PCLO: variants seen among roughly 807,000 people sequenced by gnomAD.
PCLO encodes protein piccolo.
Under a neutral mutation model 427.5 loss-of-function variants are expected in PCLO, and 82 were observed. The ratio of observed to expected loss-of-function variants is 0.19; its 90% CI spans 0.16 to 0.23. The LOEUF (loss-of-function observed/expected upper bound fraction) is 0.23. PCLO is among the 10% of genes least tolerant of loss of function. PCLO has a pLI of 1.00. For synonymous variants in PCLO, 2,357 were observed against 2,155.4 expected (o/e 1.09, Z -2.59); for missense variants, 6,239 against 6,115.9 (o/e 1.02, Z -0.67).
chr7:82,827,347 C>A (rs2715151), intron 17 of PCLO, among the ~76,000 whole-genome samples: 1 of 151,722 alleles, frequency 6.6e-6, no homozygotes, highest in Admixed American at 6.6e-5. Context: ...TTACTTATCT[C>A]TGGTGATAAT....
intron 16 of PCLO, 85 bp downstream of exon 16, chr7:82,835,582 G>A: frequency 1.1e-6 from 1 of 939,048 alleles, no homozygotes; most frequent in Non-Finnish European, 1.7e-6. Flanking sequence ...CCATGTTGAA[G>A]TGCCAGTGAA....
chr7:82,849,241 A>T (rs549532637), intron 10 of PCLO, among the ~76,000 whole-genome samples: 2 of 152,262 alleles, frequency 1.3e-5, no homozygotes, highest in African/African-American at 4.8e-5. Context: ...CTGTAAAATT[A>T]AAAAAATGCT....
intron 3 of PCLO, among the ~76,000 whole-genome samples, chr7:83,051,500 T>C (rs1789254268): frequency 6.6e-6 from 1 of 152,146 alleles, no homozygotes; most frequent in Middle Eastern, 3.2e-3. Flanking sequence ...ATCTAACAAT[T>C]ATGTAAACAA....
chr7:82,923,306 G>A (rs1794640048), intron 6 of PCLO, among the ~76,000 whole-genome samples: 1 of 151,974 alleles, frequency 6.6e-6, no homozygotes, highest in African/African-American at 2.4e-5. Context: ...TTGGGCTAGT[G>A]ATGCCTTAAT....
intron 7 of PCLO, 74 bp downstream of exon 7, chr7:82,914,612 A>T (rs1794398586): frequency 7.1e-7 from 1 of 1,410,564 alleles, no homozygotes; most frequent in African/African-American, 1.4e-5. Context: ...ATCTCTGGAG[A>T]AGGGAAATTA....
chr7:82,993,813 G>T (rs1348027580), intron 3 of PCLO, among the ~76,000 whole-genome samples: 1 of 152,034 alleles, frequency 6.6e-6, no homozygotes, highest in Non-Finnish European at 1.5e-5. Context: ...ATAAATGAAT[G>T]ATATGTATTC....
chr7:82,804,523 C>T (rs1337272708), intron 21 of PCLO, among the ~76,000 whole-genome samples: 2 of 152,084 alleles, frequency 1.3e-5, no homozygotes, highest in Non-Finnish European at 2.9e-5. Flanking sequence ...AGACAATCCA[C>T]CCCCTGAAAA....
At chr7:82,871,223 T>C (rs1438106037) in intron 10 of PCLO, among the ~76,000 whole-genome samples, 3 of 151,894 alleles carry the variant, frequency 2.0e-5, no homozygotes, top group Admixed American at 6.6e-5. Flanking sequence ...CATTAAGAGA[T>C]GAATGAGTAA....
chr7:83,085,845 C>A (rs1790218033), intron 3 of PCLO, among the ~76,000 whole-genome samples: 1 of 151,886 alleles, frequency 6.6e-6, no homozygotes, highest in South Asian at 2.1e-4. Context: ...ATAAAATTTT[C>A]ATTTGTGGTA....
chr7:83,050,062 G>A lies in PCLO; in HGVS notation c.3301-83575C>T, dbSNP rs1455150301. 1.0e-4 allele frequency among the ~76,000 whole-genome samples: 15 copies of A among 150,692 alleles called. No homozygotes were observed. In the South Asian group the frequency reaches 2.6e-3, roughly 26 times the overall value. On this transcript the variant is annotated intron_variant, in intron 3 of 24. Coordinates refer to ENST00000333891, the MANE Select transcript of PCLO (RefSeq NM_033026.6). ...GTACTAGCTCCAGTCCTCTGTTCTC[G>A]GTGTACCAAAGGGGATTCCAATCAT...
intron 10 of PCLO, among the ~76,000 whole-genome samples, chr7:82,872,566 G>C (rs1033011243): frequency 2.1e-4 from 32 of 152,138 alleles, no homozygotes; most frequent in African/African-American, 7.7e-4. Context: ...AGAAGCCACA[G>C]AACATTCTTC....
At position 82,999,608 on chromosome 7, in the gene PCLO, TA is replaced by T. The variant is rs1479955116; in HGVS notation, c.3301-33122del. 4.0e-3 allele frequency among the ~76,000 whole-genome samples: 81 copies of T among 20,372 alleles called. 2 individuals carry two copies. In the Admixed American group the frequency reaches 0.042, roughly 11 times the overall value. 13.4% of individuals were successfully genotyped at this position (20,372 alleles called of 152,430 possible). On this transcript the variant is annotated intron_variant, in intron 3 of 24. Transcript: ENST00000333891. ...TTAAAATATAAAATATAATATTATA[TA>T]TAAAATATAAAATATAATATTATAT...
chr7:83,136,542 A>G (rs1791735274), intron 2 of PCLO, among the ~76,000 whole-genome samples: 1 of 152,176 alleles, frequency 6.6e-6, no homozygotes. Flanking sequence ...ATATTTTAAA[A>G]TACAAATTGT....
chr7:82,979,627 G>T (rs922513933), intron 3 of PCLO, among the ~76,000 whole-genome samples: 1 of 152,100 alleles, frequency 6.6e-6, no homozygotes, highest in Non-Finnish European at 1.5e-5. Context: ...CAGCAAACAG[G>T]TAGATACAGC....
chr7:82,797,516 C>G (rs1028628024), intron 22 of PCLO, among the ~76,000 whole-genome samples: 1 of 152,084 alleles, frequency 6.6e-6, no homozygotes, highest in Non-Finnish European at 1.5e-5. Flanking sequence ...GTGTATAGCT[C>G]TCATTGTCAA....
At position 83,097,052 on chromosome 7, in the gene PCLO, ATATAT is replaced by A. The variant is rs1244122841; in HGVS notation, c.3300+37193_3300+37197del. Reference sequence around the variant, plus strand: ...TAAATATATATTATATATTATATAAATATATTATACATTATACATTATATAAATAT... The same window carrying A: ...TAAATATATATTATATATTATATAAATATACATTATACATTATATAAATAT... On this transcript the variant is annotated intron_variant, in intron 3 of 24. Coordinates refer to ENST00000333891, the MANE Select transcript of PCLO (RefSeq NM_033026.6). Among the ~76,000 whole-genome samples the A allele has an allele frequency of 1.8e-3, 134 of 73,294 alleles. 35 individuals carry two copies. The highest frequency in any genetic ancestry group is 7.3e-3 in the African/African-American group (125 of 17,108). 48.1% of individuals were successfully genotyped at this position (73,294 alleles called of 152,430 possible).
At position 82,954,013 on chromosome 7, in the gene PCLO, G is replaced by T. The variant is rs750153086; in HGVS notation, c.6940C>A (p.Leu2314Met). 6.2e-7 allele frequency: 1 copy of T among 1,613,920 alleles called. No homozygotes were observed. Among genetic ancestry groups the T allele is most frequent in the Non-Finnish European group, 8.5e-7 (1 of 1,179,862 alleles). The change falls in exon 5 of 25, where the codon CTG becomes ATG. Residue 2314 changes from leucine to methionine, a missense_variant. Physicochemically the swap from Leu to Met is conservative, Grantham distance 15. Coordinates refer to ENST00000333891, the MANE Select transcript of PCLO (RefSeq NM_033026.6). ...AKKETGNGII[L>M]EVLEAYRDKK... ...TCTCTGTAAGCTTCCAAAACTTCCA[G>T]AATGATTCCATTCCCAGTTTCCTTC...
At chr7:83,086,572 C>A (rs12707548) in intron 3 of PCLO, among the ~76,000 whole-genome samples, 1 of 151,766 alleles carries the variant, frequency 6.6e-6, no homozygotes, top group Non-Finnish European at 1.5e-5. Context: ...ATTTTTCTTA[C>A]GATGATTTAG....
At chr7:83,100,143 A>C (rs1209225549) in intron 3 of PCLO, among the ~76,000 whole-genome samples, 1 of 151,990 alleles carries the variant, frequency 6.6e-6, no homozygotes, top group Non-Finnish European at 1.5e-5. Flanking sequence ...TATAATTGGC[A>C]AAAAAAATTG....
Sources: allele counts gnomAD v4.1 joint callset (sites outside exome capture counted in the v4.1 genomes callset), GRCh38; gene constraint gnomAD v4.1.1; transcripts MANE v1.5; gene names NCBI Gene and HGNC (gene_info 2026-07-23, HGNC 2026-07-21).